The following CCR6 variants were observed in gnomAD, a reference collection of about 807,000 sequenced individuals.
The protein encoded by CCR6 is C-C motif chemokine receptor 6.
In CCR6, 2 loss-of-function variants were observed where a neutral mutation model predicts 3.0. The ratio of observed to expected loss-of-function variants is 0.66; its 90% CI spans 0.27 to 2.07. The LOEUF (loss-of-function observed/expected upper bound fraction) is 2.07, where lower values mean the gene tolerates loss of function less well. Among genes scored for constraint, CCR6 ranks in the 30% most tolerant of loss-of-function variants. The pLI is 0.14. For missense variants in CCR6, 322 were observed against 462.8 expected, an observed-to-expected ratio of 0.70 and a Z score of 2.79; for synonymous variants, 193 against 184.3, an observed-to-expected ratio of 1.05 and a Z score of -0.38.
intron 1 of CCR6, chr6:167,116,311 G>A (rs990166179): frequency 6.6e-6 from 1 of 152,116 alleles, no homozygotes; most frequent in Non-Finnish European, 1.5e-5. Context: ...CTTTCACCGG[G>A]GCCTCCCCGC....
intron 1 of CCR6, among the ~76,000 whole-genome samples, chr6:167,134,482 G>T (rs1368836911): frequency 6.6e-6 from 1 of 152,182 alleles, no homozygotes. Context: ...TGTGACTCCA[G>T]GCATCAGGGA....
chr6:167,117,562 G>C (rs530380256), intron 1 of CCR6, among the ~76,000 whole-genome samples: 7 of 151,350 alleles, frequency 4.6e-5, no homozygotes, highest in African/African-American at 7.3e-5. Flanking sequence ...GACTACAGGC[G>C]CGCGCCACCA....
chr6:167,112,055 T>C (rs1248060563), intron 1 of CCR6: 4 of 152,280 alleles, frequency 2.6e-5, no homozygotes, highest in Admixed American at 2.6e-4. Context: ...AAATATTGTA[T>C]TTCTTTTGTC....
chr6:167,124,171 A>G (rs1240924717), intron 1 of CCR6, among the ~76,000 whole-genome samples: 4 of 152,218 alleles, frequency 2.6e-5, no homozygotes, highest in African/African-American at 9.6e-5. Flanking sequence ...ATGCAAGGCC[A>G]TAACTAAAGC....
At chr6:167,130,975 C>CCCCTCCCTCCGGGACTCCTCCCTCTAGG (rs1491335734) in intron 1 of CCR6, among the ~76,000 whole-genome samples, 1 of 131,262 alleles carries the variant, frequency 7.6e-6, no homozygotes, top group South Asian at 2.4e-4. Flanking sequence ...CCTCTGGGAC[C>CCCCTCCCTCCGGGACTCCTCCCTCTAGG]ACCCTCCCTC....
Position 167,137,448 on chromosome 6 carries a change from G to T in CCR6, c.*93G>T. 7.8e-7 allele frequency: 1 copy of T among 1,275,746 alleles called. No individual in the cohort carries two copies. Among genetic ancestry groups the T allele is most frequent in the South Asian group, 1.5e-5 (1 of 67,828 alleles). 79.0% of individuals were successfully genotyped at this position (1,275,746 alleles called of 1,614,324 possible). ...TGGCCAGGTATGCATGGAAAATGTG[G>T]GAATTAAGCAAAATCAAGCAAGCCT... On this transcript the variant is annotated 3_prime_UTR_variant, in exon 3 of 3. Coordinates refer to ENST00000341935, the MANE Select transcript of CCR6 (RefSeq NM_031409.4). This position sits in a 1 kb window ranked among gnomAD's most constrained non-coding sequence, Gnocchi z 4.6.
intron 1 of CCR6, among the ~76,000 whole-genome samples, chr6:167,117,517 C>G (rs891154408): frequency 1.3e-5 from 2 of 149,542 alleles, no homozygotes; most frequent in Non-Finnish European, 3.0e-5. Flanking sequence ...CCCGGGTTCA[C>G]GCCATTCTCC....
intron 1 of CCR6, among the ~76,000 whole-genome samples, chr6:167,134,649 TG>T (rs3839361): frequency 6.6e-6 from 1 of 152,128 alleles, no homozygotes; most frequent in African/African-American, 2.4e-5. Context: ...TGACACAGTG[TG>T]GGGGCGAGGA....
chr6:167,132,897 T>G (rs1021018279), intron 1 of CCR6, among the ~76,000 whole-genome samples: 1 of 152,204 alleles, frequency 6.6e-6, no homozygotes, highest in African/African-American at 2.4e-5. Flanking sequence ...AGCGTCTTTT[T>G]TGTGTGTGTA....
chr6:167,118,910 T>C (rs1196716339), upstream of CCR6, among the ~76,000 whole-genome samples: 2 of 152,140 alleles, frequency 1.3e-5, no homozygotes, highest in African/African-American at 4.8e-5. Flanking sequence ...CTCTACTCTG[T>C]GATGTCAGGC....
chr6:167,124,673 G>A (rs542707722), intron 1 of CCR6, among the ~76,000 whole-genome samples: 3 of 152,252 alleles, frequency 2.0e-5, no homozygotes, highest in Admixed American at 6.5e-5. Context: ...AGCTACACTC[G>A]CTATCTGTAA....
In CCR6 at chr6:167,136,777, T is replaced by A; in HGVS notation, c.547T>A (p.Phe183Ile). 6.2e-7 allele frequency: 1 copy of A among 1,613,868 alleles called. No individual in the cohort carries two copies. The highest frequency in any genetic ancestry group is 8.5e-7 in the Non-Finnish European group (1 of 1,180,014). Residue 183 changes from phenylalanine to isoleucine, a missense_variant, in exon 3 of 3, where the codon TTT becomes ATT. By Grantham distance (21) the Phe-to-Ile change is conservative. Transcript: ENST00000341935. The surrounding 1 kb of genome is among the most constrained non-coding windows in gnomAD (Gnocchi z 4.6). ...GLSVIISSST[F>I]VFNQKYNTQG... is the part of the protein sequence containing the mutation. Reference sequence around the variant, plus strand: ...GTCAGTCATCATCTCCAGCTCAACTTTTGTCTTCAACCAAAAATACAACAC... The same window carrying A: ...GTCAGTCATCATCTCCAGCTCAACTATTGTCTTCAACCAAAAATACAACAC...
chr6:167,123,097 C>A lies in CCR6; in HGVS notation c.-224C>A, dbSNP rs1218992217. 6.5e-6 allele frequency: 1 copy of A among 152,760 alleles called. No individual in the cohort carries two copies. Among genetic ancestry groups the A allele is most frequent in the African/African-American group, 2.4e-5 (1 of 41,436 alleles). 9.5% of individuals were successfully genotyped at this position (152,760 alleles called of 1,614,324 possible). Reference sequence around the variant, plus strand: ...TTTGGGCAATTCTAGTAGCTCACCGCTTTTTTCTTAATGACTGCTAGAAGC... The same window carrying A: ...TTTGGGCAATTCTAGTAGCTCACCGATTTTTTCTTAATGACTGCTAGAAGC... On this transcript the variant is annotated 5_prime_UTR_variant, in exon 1 of 3. Transcript: ENST00000341935.
chr6:167,133,932 G>GTGTATGTATATA (rs1183741225), intron 1 of CCR6, among the ~76,000 whole-genome samples: 3 of 110,340 alleles, frequency 2.7e-5, no homozygotes, highest in East Asian at 5.1e-4. Flanking sequence ...ATATATGTGT[G>GTGTATGTATATA]TATATATATA....
At chr6:167,127,916 TTGTGAC>T (rs1781694403) in intron 1 of CCR6, among the ~76,000 whole-genome samples, 1 of 152,240 alleles carries the variant, frequency 6.6e-6, no homozygotes, top group Non-Finnish European at 1.5e-5. Flanking sequence ...GTTCAGTTCT[TTGTGAC>T]TGTAGGACTG....
rs1781750806 is a variant in CCR6 at position 167,130,986 on chromosome 6, T to TGACCCCCTCCCTCTG, written c.-97-5051_-97-5050insACCCCCTCCCTCTGG. ...CCTCCCTCTGGGACCACCCTCCCTC[T>TGACCCCCTCCCTCTG]GGACCCCCTCCCTTTGGGACCCCTC... On this transcript the variant is annotated intron_variant, in intron 1 of 2. Transcript: ENST00000341935. Among the ~76,000 whole-genome samples the TGACCCCCTCCCTCTG allele has an allele frequency of 8.6e-5, 9 of 104,756 alleles. 1 individual carries two copies. The highest frequency in any genetic ancestry group is 3.7e-4 in the African/African-American group (9 of 24,560). 68.7% of individuals were successfully genotyped at this position (104,756 alleles called of 152,430 possible). A position where few individuals can be genotyped will look rare whatever the true frequency, so the allele number is the denominator to read the frequency against.
chr6:167,112,369 T>A (rs905952154), intron 1 of CCR6, among the ~76,000 whole-genome samples: 1 of 152,184 alleles, frequency 6.6e-6, no homozygotes, highest in Non-Finnish European at 1.5e-5. Context: ...ATTTTTCTGA[T>A]CCTAGTCTGT....
chr6:167,116,792 T>C (rs974725820), intron 1 of CCR6: 16 of 152,312 alleles, frequency 1.1e-4, no homozygotes, highest in African/African-American at 3.9e-4. Context: ...CGCCTGCACA[T>C]CCGTTAGGCC....
At chr6:167,123,885 G>T (rs190950128) in intron 1 of CCR6, among the ~76,000 whole-genome samples, 19 of 152,324 alleles carry the variant, frequency 1.2e-4, no homozygotes, top group Non-Finnish European at 2.5e-4. Context: ...ACCAAGCTGG[G>T]TGTATCAGCT....
Sources: gnomAD v4.1 joint callset for allele counts (sites outside exome capture counted in the v4.1 genomes callset) on GRCh38, gnomAD v4.1.1 for gene constraint, Gnocchi (gnomAD v3.1) non-coding constraint, MANE v1.5 for transcripts, NCBI Gene and HGNC (gene_info 2026-07-23, HGNC 2026-07-21) for gene names.